The following ANKRD6 variants were observed in gnomAD, a reference collection of about 807,000 sequenced individuals.
ANKRD6 encodes ankyrin repeat domain-containing protein 6.
ANKRD6 carries 56 observed loss-of-function variants against 82.3 expected under a neutral mutation model. That is an observed-to-expected ratio of 0.68 (90% CI 0.55 to 0.85). The LOEUF (loss-of-function observed/expected upper bound fraction) is 0.85, where lower values mean the gene tolerates loss of function less well. Among genes scored for constraint, ANKRD6 ranks in the 40% least tolerant of loss-of-function variants. The probability of loss-of-function intolerance (pLI) is 0.00; values close to 1 mark genes in which losing one functional copy is unlikely to be tolerated. For synonymous variants in ANKRD6, 347 were observed against 352.1 expected (o/e 0.99, Z 0.16); for missense variants, 852 against 907.6 (o/e 0.94, Z 0.79).
At chr6:89,453,130 T>C (rs1382667388) in intron 1 of ANKRD6, among the ~76,000 whole-genome samples, 1 of 152,228 alleles carries the variant, frequency 6.6e-6, no homozygotes, top group Non-Finnish European at 1.5e-5. Context: ...TGTCATTCCC[T>C]TCTTCCAAAA....
chr6:89,630,426 A>C lies in ANKRD6; in HGVS notation c.1613-7A>C. ...TGCTCTCACGTTTGTTTTCCTTCTG[A>C]AACCAGGTGTGGACCAATTAGTGGT... On this transcript the variant is annotated splice_polypyrimidine_tract_variant and splice_region_variant and intron_variant, in intron 15 of 15. Coordinates refer to ENST00000339746, the MANE Select transcript of ANKRD6 (RefSeq NM_001242809.2). 6.2e-7 allele frequency: 1 copy of C among 1,600,248 alleles called. No individual in the cohort carries two copies. Among genetic ancestry groups the C allele is most frequent in the Non-Finnish European group, 8.5e-7 (1 of 1,172,932 alleles).
chr6:89,555,487 T>G (rs1336087280), intron 1 of ANKRD6, among the ~76,000 whole-genome samples: 3 of 152,234 alleles, frequency 2.0e-5, no homozygotes, highest in Non-Finnish European at 4.4e-5. Flanking sequence ...TCAAAATCAG[T>G]AGCAGACCTG....
intron 1 of ANKRD6, among the ~76,000 whole-genome samples, chr6:89,505,354 A>C (rs1041089440): frequency 3.3e-5 from 5 of 152,228 alleles, no homozygotes; most frequent in Non-Finnish European, 1.5e-5. Flanking sequence ...TAAGTAAGGG[A>C]TCAGCATAGG....
intron 2 of ANKRD6, among the ~76,000 whole-genome samples, chr6:89,569,071 G>T (rs1409198279): frequency 6.6e-6 from 1 of 151,640 alleles, no homozygotes; most frequent in Non-Finnish European, 1.5e-5. Flanking sequence ...ATACCAACAT[G>T]CCTGCCTAAT....
At chr6:89,490,198 TA>T (rs1777857287) in intron 1 of ANKRD6, among the ~76,000 whole-genome samples, 1 of 152,218 alleles carries the variant, frequency 6.6e-6, no homozygotes. Context: ...TCGTAGGATT[TA>T]GTGCTGGAAA....
At position 89,562,210 on chromosome 6, in the gene ANKRD6, T is replaced by C. The variant is rs546796794; in HGVS notation, c.-143-4624T>C. ...GCTTCTGAAGGGGCTCAGTTCCCTG[T>C]TTACTCCCTTCCCCCTCCCCGGCAG... On this transcript the variant is annotated intron_variant, in intron 1 of 15. Coordinates refer to ENST00000339746, the MANE Select transcript of ANKRD6 (RefSeq NM_001242809.2). 6.6e-5 allele frequency among the ~76,000 whole-genome samples: 10 copies of C among 152,318 alleles called. 1 individual carries two copies. The South Asian group carries it at 2.1e-3, about 32-fold the overall frequency.
At chr6:89,540,571 C>A (rs1291771189) in intron 1 of ANKRD6, among the ~76,000 whole-genome samples, 2 of 152,152 alleles carry the variant, frequency 1.3e-5, no homozygotes, top group Non-Finnish European at 2.9e-5. Flanking sequence ...TTACATTCTG[C>A]AGGTTGTCTC....
chr6:89,530,323 A>G (rs1003385897), intron 1 of ANKRD6, among the ~76,000 whole-genome samples: 7 of 152,074 alleles, frequency 4.6e-5, no homozygotes, highest in African/African-American at 1.7e-4. Flanking sequence ...AAGTGAGCAC[A>G]TGTCGTTGGA....
intron 1 of ANKRD6, among the ~76,000 whole-genome samples, chr6:89,483,968 T>A (rs1480520884): frequency 1.3e-5 from 2 of 152,126 alleles, no homozygotes; most frequent in African/African-American, 4.8e-5. Flanking sequence ...CAGGCTGGAG[T>A]GCAGTGGTGC....
chr6:89,631,244 G>A lies in ANKRD6; in HGVS notation c.*240G>A. The A allele has an allele frequency of 1.7e-6, 1 of 587,694 alleles. No homozygotes were observed. Among genetic ancestry groups the A allele is most frequent in the Admixed American group, 4.0e-5 (1 of 24,704 alleles). The allele number at this position is 587,694 out of a possible 1,614,324, so 36.4% of individuals were successfully genotyped here. On this transcript the variant is annotated 3_prime_UTR_variant, in exon 16 of 16. Coordinates refer to ENST00000339746, the MANE Select transcript of ANKRD6 (RefSeq NM_001242809.2). ...TTTTGGGTTTCATTATAAACTCTTAGCCTCAGTCCAGGTTAATCTGAAGTT... is the reference window on the plus strand; with the variant it reads ...TTTTGGGTTTCATTATAAACTCTTAACCTCAGTCCAGGTTAATCTGAAGTT...
chr6:89,463,970 C>G (rs1282570681), intron 1 of ANKRD6, among the ~76,000 whole-genome samples: 1 of 152,172 alleles, frequency 6.6e-6, no homozygotes, highest in African/African-American at 2.4e-5. Flanking sequence ...TTCACTCTTG[C>G]AAAACAAAAA....
chr6:89,556,452 A>G (rs150227284), intron 1 of ANKRD6, among the ~76,000 whole-genome samples: 2 of 152,232 alleles, frequency 1.3e-5, no homozygotes, highest in African/African-American at 4.8e-5. Context: ...CACACTCACT[A>G]TCTGAATCCT....
chr6:89,627,499 C>T lies in ANKRD6; in HGVS notation c.1372-84C>T. On this transcript the variant is annotated intron_variant, in intron 13 of 15. Transcript: ENST00000339746. The stretch of plus-strand genomic sequence containing the variant: ...GCATGCAGGGGCTCCTACTTGGTTC[C>T]CCAAGCCCCTCTGCAGGAGCTGAGA... 2.3e-6 allele frequency: 3 copies of T among 1,287,794 alleles called. No individual in the cohort carries two copies. The East Asian group carries it at 7.1e-5, about 31-fold the overall frequency. The allele number at this position is 1,287,794 out of a possible 1,614,324, so 79.8% of individuals were successfully genotyped here.
At chr6:89,495,127 G>C (rs886110561) in intron 1 of ANKRD6, among the ~76,000 whole-genome samples, 1 of 152,160 alleles carries the variant, frequency 6.6e-6, no homozygotes, top group East Asian at 1.9e-4. Flanking sequence ...CCAGTTACTC[G>C]GGAGGCTGAG....
intron 2 of ANKRD6, among the ~76,000 whole-genome samples, chr6:89,576,078 G>C (rs960483611): frequency 2.6e-5 from 4 of 151,312 alleles, no homozygotes; most frequent in African/African-American, 9.7e-5. Context: ...TTGAGACGGA[G>C]TCTCGCTCTG....
intron 1 of ANKRD6, among the ~76,000 whole-genome samples, chr6:89,556,555 C>T (rs1476153967): frequency 6.6e-6 from 1 of 152,208 alleles, no homozygotes; most frequent in Non-Finnish European, 1.5e-5. Flanking sequence ...CCTGCTTTAC[C>T]TCTTGTCCCA....
intron 2 of ANKRD6, among the ~76,000 whole-genome samples, chr6:89,580,294 G>T (rs1447674245): frequency 6.6e-6 from 1 of 151,708 alleles, no homozygotes; most frequent in Non-Finnish European, 1.5e-5. Flanking sequence ...TCCTTTGTAG[G>T]TTGCTTGTGG....
At chr6:89,435,032 A>T (rs1770444544) in intron 1 of ANKRD6, among the ~76,000 whole-genome samples, 1 of 152,124 alleles carries the variant, frequency 6.6e-6, no homozygotes, top group African/African-American at 2.4e-5. Context: ...CCAAAAATTA[A>T]TCTTAGTCTC....
At chr6:89,564,150 C>T (rs562654171) in intron 1 of ANKRD6, among the ~76,000 whole-genome samples, 17 of 152,238 alleles carry the variant, frequency 1.1e-4, no homozygotes, top group African/African-American at 4.1e-4. Flanking sequence ...AATTGGAAAG[C>T]TGGGGTTCTG....
Sources: allele counts gnomAD v4.1 joint callset (sites outside exome capture counted in the v4.1 genomes callset), GRCh38; gene constraint gnomAD v4.1.1; transcripts MANE v1.5; gene names NCBI Gene and HGNC (gene_info 2026-07-23, HGNC 2026-07-21).